GLIPR1L2: variants seen among roughly 807,000 people sequenced by gnomAD.
The protein encoded by GLIPR1L2 is GLIPR1-like protein 2.
A neutral mutation model predicts 28.4 loss-of-function variants in GLIPR1L2; 21 were observed. The ratio of observed to expected loss-of-function variants is 0.74; its 90% CI spans 0.52 to 1.06. The LOEUF (loss-of-function observed/expected upper bound fraction) is 1.06. Ranked by LOEUF, GLIPR1L2 falls within the 50% of genes least tolerant of loss-of-function variation. GLIPR1L2 has a pLI of 0.00. For synonymous variants in GLIPR1L2, 145 were observed against 139.3 expected (o/e 1.04, Z -0.29); for missense variants, 476 against 416.9 (o/e 1.14, Z -1.23).
chr12:75,408,035 A>G (rs1489901121), intron 1 of GLIPR1L2, among the ~76,000 whole-genome samples: 3 of 152,038 alleles, frequency 2.0e-5, no homozygotes, highest in South Asian at 2.1e-4. Flanking sequence ...AAAATCTTAA[A>G]ATCTTCCTGT....
intron 1 of GLIPR1L2, 82 bp downstream of exon 1, chr12:75,391,432 G>T: frequency 1.9e-6 from 3 of 1,601,546 alleles, no homozygotes; most frequent in Non-Finnish European, 8.5e-7. Flanking sequence ...TGGGGCCACT[G>T]CTCTGAGGCT....
At chr12:75,393,662 G>T (rs2045654059) in intron 1 of GLIPR1L2, among the ~76,000 whole-genome samples, 1 of 151,916 alleles carries the variant, frequency 6.6e-6, no homozygotes, top group South Asian at 2.1e-4. Flanking sequence ...TATTTAGATT[G>T]CTTCCATTAT....
intron 1 of GLIPR1L2, among the ~76,000 whole-genome samples, chr12:75,403,947 CCA>C (rs2045769663): frequency 1.3e-5 from 2 of 152,134 alleles, no homozygotes; most frequent in Admixed American, 6.6e-5. Flanking sequence ...TTTGATTTTC[CCA>C]CAGTCTTTCA....
intron 4 of GLIPR1L2, among the ~76,000 whole-genome samples, chr12:75,427,108 T>G (rs1048697519): frequency 2.0e-5 from 3 of 151,958 alleles, no homozygotes; most frequent in Non-Finnish European, 4.4e-5. Context: ...AAGAGAGAGA[T>G]AGAAAAAATA....
Position 75,430,919 on chromosome 12 carries a change from A to G in GLIPR1L2, c.793A>G (p.Ile265Val). Reference sequence around the variant, plus strand: ...TTTATTATTGAGAATATTATGTTTTATCCTGTGTGTCATAACTGTTTTGAT... The same window carrying G: ...TTTATTATTGAGAATATTATGTTTTGTCCTGTGTGTCATAACTGTTTTGAT... ...FILLLRILCF[I>V]LCVITVLIVQ... The change falls in exon 6 of 6, where the codon ATC becomes GTC. Residue 265 changes from isoleucine to valine, a missense_variant. Coordinates refer to ENST00000550916, the MANE Select transcript of GLIPR1L2 (RefSeq NM_001270396.2). 1 of 1,535,634 alleles carries G rather than the reference A, an allele frequency of 6.5e-7. No individual in the cohort carries two copies. Among genetic ancestry groups the G allele is most frequent in the Non-Finnish European group, 8.7e-7 (1 of 1,146,504 alleles).
In GLIPR1L2 at chr12:75,431,992, ATTTC is replaced by A. The variant is rs1181675433; in HGVS notation, c.*835_*838del. On this transcript the variant is annotated 3_prime_UTR_variant, in exon 6 of 6. Coordinates refer to ENST00000550916, the MANE Select transcript of GLIPR1L2 (RefSeq NM_001270396.2). Reference sequence around the variant, plus strand: ...TAAATAAAAATACCTAGCATAGGAGATTTCTTTATCTATAAAATAAATGGATAGC... The same window carrying A: ...TAAATAAAAATACCTAGCATAGGAGATTTATCTATAAAATAAATGGATAGC... 1 of 152,104 alleles carries A rather than the reference ATTTC, an allele frequency of 6.6e-6. No individual in the cohort carries two copies. The highest frequency in any genetic ancestry group is 1.5e-5 in the Non-Finnish European group (1 of 67,964). The allele number at this position is 152,104 out of a possible 1,614,324, so 9.4% of individuals were successfully genotyped here. A position where few individuals can be genotyped will look rare whatever the true frequency, so the allele number is the denominator to read the frequency against.
intron 1 of GLIPR1L2, among the ~76,000 whole-genome samples, chr12:75,399,300 A>G (rs1202835552): frequency 2.0e-5 from 3 of 152,216 alleles, no homozygotes; most frequent in Non-Finnish European, 4.4e-5. Flanking sequence ...TAAAAGTAGC[A>G]TCTCAAATCT....
intron 3 of GLIPR1L2, among the ~76,000 whole-genome samples, chr12:75,415,094 A>G (rs929478416): frequency 5.3e-5 from 8 of 152,070 alleles, no homozygotes; most frequent in Non-Finnish European, 1.0e-4. Flanking sequence ...ATGTATAAAA[A>G]TCTCAGAGAT....
At chr12:75,407,548 A>T (rs2045817055) in intron 1 of GLIPR1L2, among the ~76,000 whole-genome samples, 2 of 152,134 alleles carry the variant, frequency 1.3e-5, no homozygotes, top group African/African-American at 4.8e-5. Flanking sequence ...TTAGATTAAG[A>T]TAAATGTCAG....
chr12:75,428,902 T>C (rs1415218681), intron 4 of GLIPR1L2, among the ~76,000 whole-genome samples: 1 of 152,084 alleles, frequency 6.6e-6, no homozygotes, highest in Non-Finnish European at 1.5e-5. Context: ...ATGACAAGAG[T>C]TGAGCTTTGG....
At position 75,410,446 on chromosome 12, in the gene GLIPR1L2, G is replaced by A. The variant is rs773140893; in HGVS notation, c.247G>A (p.Ala83Thr). Residue 83 changes from alanine to threonine, a missense_variant, in exon 2 of 6, where the codon GCT becomes ACT. Physicochemically the swap from Ala to Thr is moderately conservative, Grantham distance 58 (BLOSUM62 0). Transcript: ENST00000550916. The stretch of plus-strand genomic sequence containing the variant: ...GAATATTTTTCAGACTTGGGATGTA[G>A]CTTTATCACGGACTGCTAGAGCATG... ...SNLRFMTWDV[A>T]LSRTARAWGK... 18 of 1,575,096 alleles carry A rather than the reference G, an allele frequency of 1.1e-5. No homozygotes were observed. In the South Asian group the frequency reaches 1.9e-4, roughly 17 times the overall value.
chr12:75,430,677 T>C (rs1305032185), intron 4 of GLIPR1L2, 38 bp from the exon 5 acceptor site: 1 of 1,511,222 alleles, frequency 6.6e-7, no homozygotes, highest in Non-Finnish European at 8.8e-7. Context: ...AAAGAAGAAA[T>C]TTTATGTAAT....
At chr12:75,407,351 A>G (rs1301556174) in intron 1 of GLIPR1L2, among the ~76,000 whole-genome samples, 3 of 152,098 alleles carry the variant, frequency 2.0e-5, no homozygotes, top group African/African-American at 7.2e-5. Context: ...AGATATTCCC[A>G]TGTATTGAAT....
intron 1 of GLIPR1L2, 79 bp downstream of exon 1, chr12:75,391,429 A>G: frequency 2.5e-6 from 4 of 1,602,030 alleles, no homozygotes; most frequent in Non-Finnish European, 2.6e-6. Context: ...AGTTGGGGCC[A>G]CTGCTCTGAG....
chr12:75,403,995 T>C (rs930057201), intron 1 of GLIPR1L2, among the ~76,000 whole-genome samples: 6 of 152,228 alleles, frequency 3.9e-5, no homozygotes, highest in Admixed American at 2.0e-4. Flanking sequence ...TGAGATTACA[T>C]ATCAAGACAA....
intron 1 of GLIPR1L2, 109 bp downstream of exon 1, chr12:75,391,459 C>T (rs1435703832): frequency 1.3e-6 from 2 of 1,578,632 alleles, no homozygotes; most frequent in Non-Finnish European, 1.7e-6. Flanking sequence ...TCGCGGAGAA[C>T]CGCACTTTTA....
intron 1 of GLIPR1L2, among the ~76,000 whole-genome samples, chr12:75,401,604 T>C (rs981818844): frequency 7.2e-5 from 11 of 152,180 alleles, no homozygotes; most frequent in African/African-American, 2.4e-4. Context: ...GGGATTCTAA[T>C]ATCCATGAAA....
chr12:75,419,521 A>G (rs148817089), intron 3 of GLIPR1L2, among the ~76,000 whole-genome samples: 41 of 152,336 alleles, frequency 2.7e-4, no homozygotes, highest in African/African-American at 7.0e-4. Flanking sequence ...TGAGAAAATG[A>G]AAAACGATTG....
chr12:75,416,439 G>A lies in GLIPR1L2; in HGVS notation c.584+2738G>A, dbSNP rs182775942. On this transcript the variant is annotated intron_variant, in intron 3 of 5. Coordinates refer to ENST00000550916, the MANE Select transcript of GLIPR1L2 (RefSeq NM_001270396.2). The stretch of plus-strand genomic sequence containing the variant: ...GACAATTTAAGAACTAAGTCCTGGG[G>A]CACTACGCTATTTTAAACTAAGGCA... Among the ~76,000 whole-genome samples, 7 of 152,142 alleles carry A rather than the reference G, an allele frequency of 4.6e-5. No homozygotes were observed. The East Asian group carries it at 1.2e-3, about 25-fold the overall frequency.
Sources: gnomAD v4.1 joint callset for allele counts (sites outside exome capture counted in the v4.1 genomes callset) on GRCh38, gnomAD v4.1.1 for gene constraint, MANE v1.5 for transcripts, NCBI Gene and HGNC (gene_info 2026-07-23, HGNC 2026-07-21) for gene names.